KATNAL1: variants seen among roughly 807,000 people sequenced by gnomAD.
KATNAL1 encodes katanin catalytic subunit A1 like 1, also known as katanin p60 ATPase-containing subunit A-like 1.
A neutral mutation model predicts 55.2 loss-of-function variants in KATNAL1; 32 were observed. That is an observed-to-expected ratio of 0.58 (90% confidence interval 0.44 to 0.78). The LOEUF (loss-of-function observed/expected upper bound fraction) is 0.78, where lower values mean the gene tolerates loss of function less well. Among genes scored for constraint, KATNAL1 ranks in the 30% least tolerant of loss-of-function variants. The pLI is 0.00. For missense variants in KATNAL1, 466 were observed against 600.9 expected, an observed-to-expected ratio of 0.78 and a Z score of 2.35; for synonymous variants, 193 against 193.6, an observed-to-expected ratio of 1.00 and a Z score of 0.02.
At chr13:30,277,375 T>C (rs1042528051) in intron 3 of KATNAL1, among the ~76,000 whole-genome samples, 10 of 152,182 alleles carry the variant, frequency 6.6e-5, no homozygotes, top group Non-Finnish European at 1.0e-4. Context: ...GACTAATGTT[T>C]AGAGAGGTTA....
chr13:30,227,554 C>A lies in KATNAL1; in HGVS notation c.1013-8G>T, dbSNP rs527476857. On this transcript the variant is annotated splice_polypyrimidine_tract_variant and splice_region_variant and intron_variant, in intron 8 of 10. Coordinates refer to ENST00000380615, the MANE Select transcript of KATNAL1 (RefSeq NM_032116.5). ...CTAAAGCTCCTCCAACTCCTATACA[C>A]AGTAAGGGAGGAAAAGATAGTGTTT... 658 of 1,604,664 alleles carry A rather than the reference C, an allele frequency of 4.1e-4. 6 individuals carry two copies. The South Asian group carries it at 6.9e-3, about 17-fold the overall frequency.
chr13:30,230,031 CTT>C (rs1875931811), intron 8 of KATNAL1, among the ~76,000 whole-genome samples: 1 of 147,150 alleles, frequency 6.8e-6, no homozygotes, highest in South Asian at 2.2e-4. Context: ...TCTGCTTCTG[CTT>C]TCTTTTTATG....
intron 8 of KATNAL1, among the ~76,000 whole-genome samples, chr13:30,228,277 T>G (rs1027594276): frequency 5.3e-5 from 8 of 151,980 alleles, no homozygotes; most frequent in Non-Finnish European, 1.2e-4. Context: ...GACTTTCTAG[T>G]CTAGCATAAT....
chr13:30,295,792 A>G (rs1055919054), intron 1 of KATNAL1, among the ~76,000 whole-genome samples: 1 of 152,220 alleles, frequency 6.6e-6, no homozygotes, highest in Admixed American at 6.5e-5. Context: ...ATTGACTCCA[A>G]TTGTGAAAGA....
chr13:30,286,880 T>C (rs1384537114), intron 1 of KATNAL1, among the ~76,000 whole-genome samples: 2 of 152,220 alleles, frequency 1.3e-5, no homozygotes, highest in Non-Finnish European at 2.9e-5. Context: ...ATGTCAGACG[T>C]GGAGTCAAAG....
At chr13:30,208,813 GA>G (rs200072298) in intron 10 of KATNAL1, 75 bp from the exon 11 acceptor site, 272 of 995,258 alleles carry the variant, frequency 2.7e-4, no homozygotes, top group Admixed American at 7.2e-4. Flanking sequence ...ACAAAGTTAT[GA>G]AAAAAAAATC....
At chr13:30,220,595 T>G (rs1040272939) in intron 9 of KATNAL1, among the ~76,000 whole-genome samples, 1 of 152,210 alleles carries the variant, frequency 6.6e-6, no homozygotes, top group African/African-American at 2.4e-5. Context: ...ATTCTCAGAG[T>G]TGCAATATTC....
At chr13:30,221,619 CA>C (rs1459386205) in intron 9 of KATNAL1, among the ~76,000 whole-genome samples, 4 of 152,216 alleles carry the variant, frequency 2.6e-5, no homozygotes, top group Non-Finnish European at 5.9e-5. Flanking sequence ...ACAGACTTTA[CA>C]TAACTATTTA....
chr13:30,225,215 T>C (rs1265390850), intron 9 of KATNAL1, among the ~76,000 whole-genome samples: 1 of 152,100 alleles, frequency 6.6e-6, no homozygotes, highest in African/African-American at 2.4e-5. Context: ...CCCCCACAGG[T>C]AGAGTTTGTC....
In KATNAL1 at chr13:30,239,337, G is replaced by A. The variant is rs1224414269; in HGVS notation, c.726+1123C>T. ...AGGCACAAGAATTGCTTGAACCCAG[G>A]AGGCAGAGGTTGCAGTGAGCCAAGA... On this transcript the variant is annotated intron_variant, in intron 6 of 10. Coordinates refer to ENST00000380615, the MANE Select transcript of KATNAL1 (RefSeq NM_032116.5). Among the ~76,000 whole-genome samples, 3 of 152,004 alleles carry A rather than the reference G, an allele frequency of 2.0e-5. 1 individual carries two copies. Among genetic ancestry groups the A allele is most frequent in the Non-Finnish European group, 4.4e-5 (3 of 68,012 alleles).
chr13:30,287,429 C>A (rs1881861318), intron 1 of KATNAL1, among the ~76,000 whole-genome samples: 1 of 152,204 alleles, frequency 6.6e-6, no homozygotes, highest in Admixed American at 6.5e-5. Context: ...TGAAGAGGTG[C>A]CTTCCGCCAT....
rs1344394253 is a variant in KATNAL1, at chr13:30,227,396, A to G, written c.1147+16T>C. On this transcript the variant is annotated intron_variant, in intron 9 of 10. Transcript: ENST00000380615. ...CAAAAAGTAACAGAAAGCTCAAAAT[A>G]GAGAAGACATCATACCTGTTGGGAG... The G allele has an allele frequency of 2.5e-6, 4 of 1,602,910 alleles. No homozygotes were observed. Among genetic ancestry groups the G allele is most frequent in the Non-Finnish European group, 3.4e-6 (4 of 1,173,040 alleles).
intron 5 of KATNAL1, 33 bp from the exon 6 acceptor site, chr13:30,240,598 A>G: frequency 7.1e-7 from 1 of 1,413,142 alleles, no homozygotes; most frequent in Admixed American, 1.8e-5. Context: ...CATAATGTTT[A>G]CTCAGGGATC....
At chr13:30,306,735 G>A (rs1883201329) in intron 1 of KATNAL1, 1 of 152,286 alleles carries the variant, frequency 6.6e-6, no homozygotes, top group Middle Eastern at 3.4e-3. Context: ...GGTTTCTCAG[G>A]TCTCACATCC....
At chr13:30,209,685 A>G (rs1021597864) in intron 10 of KATNAL1, among the ~76,000 whole-genome samples, 8 of 152,406 alleles carry the variant, frequency 5.2e-5, no homozygotes, top group African/African-American at 1.9e-4. Flanking sequence ...CAAAAACTAA[A>G]TAATATTACT....
chr13:30,258,546 TAA>T (rs1335055797), intron 3 of KATNAL1, among the ~76,000 whole-genome samples: 1 of 152,214 alleles, frequency 6.6e-6, no homozygotes, highest in Non-Finnish European at 1.5e-5. Flanking sequence ...TCTTTCTTGA[TAA>T]AGAGGTCATG....
At chr13:30,273,974 C>G (rs911686438) in intron 3 of KATNAL1, among the ~76,000 whole-genome samples, 1 of 152,164 alleles carries the variant, frequency 6.6e-6, no homozygotes, top group East Asian at 1.9e-4. Context: ...TCTACAAAAT[C>G]GTAAGCCTAA....
intron 4 of KATNAL1, among the ~76,000 whole-genome samples, 175 bp from the exon 5 acceptor site, chr13:30,241,261 T>C (rs1481463002): frequency 2.6e-5 from 4 of 152,346 alleles, no homozygotes; most frequent in Non-Finnish European, 5.9e-5. Context: ...CAGAAATACA[T>C]GAACTGGTCA....
At chr13:30,231,746 A>G (rs1396049779) in intron 6 of KATNAL1, among the ~76,000 whole-genome samples, 2 of 152,216 alleles carry the variant, frequency 1.3e-5, no homozygotes, top group African/African-American at 4.8e-5. Flanking sequence ...ATATAATCTC[A>G]GTTTCCTGAA....
Sources: gnomAD v4.1 joint callset for allele counts (sites outside exome capture counted in the v4.1 genomes callset) on GRCh38, gnomAD v4.1.1 for gene constraint, MANE v1.5 for transcripts, NCBI Gene and HGNC (gene_info 2026-07-23, HGNC 2026-07-21) for gene names.